MTHFD2L: variants seen among roughly 807,000 people sequenced by gnomAD.
MTHFD2L encodes methylenetetrahydrofolate dehydrogenase (NADP+ dependent) 2 like.
In MTHFD2L, 29 loss-of-function variants were observed where a neutral mutation model predicts 34.9. The ratio of observed to expected loss-of-function variants is 0.83; its 90% CI spans 0.62 to 1.13. MTHFD2L has a LOEUF of 1.13. Among genes scored for constraint, MTHFD2L ranks in the 50% most tolerant of loss-of-function variants. The probability of loss-of-function intolerance (pLI) is 0.00; values close to 1 mark genes in which losing one functional copy is unlikely to be tolerated. For missense variants in MTHFD2L, 481 were observed against 446.5 expected (o/e 1.08, Z -0.70); for synonymous variants, 167 against 155.7 (o/e 1.07, Z -0.54).
chr4:74,210,005 T>C (rs891817391), intron 5 of MTHFD2L, among the ~76,000 whole-genome samples: 1 of 152,252 alleles, frequency 6.6e-6, no homozygotes, highest in African/African-American at 2.4e-5. Context: ...TTTTAAAAAG[T>C]GTCTGTTCAT....
intron 5 of MTHFD2L, among the ~76,000 whole-genome samples, chr4:74,206,719 A>G (rs1012119789): frequency 6.6e-6 from 1 of 152,040 alleles, no homozygotes; most frequent in African/African-American, 2.4e-5. Flanking sequence ...ACTGAATACC[A>G]TTGGTTTTAG....
Position 74,186,116 on chromosome 4 carries a change from A to G in MTHFD2L, c.451+10713A>G, listed in dbSNP as rs1731188088. On this transcript the variant is annotated intron_variant, in intron 3 of 7. Coordinates refer to ENST00000325278, the MANE Select transcript of MTHFD2L (RefSeq NM_001144978.3). ...TGTATTTTACCATATTAACAAGCTA[A>G]AAATGAAAATCATATAATCATTTCC... 3.3e-5 allele frequency among the ~76,000 whole-genome samples: 5 copies of G among 152,124 alleles called. No individual in the cohort carries two copies. The South Asian group carries it at 1.0e-3, about 31-fold the overall frequency.
chr4:74,300,925 G>T (rs1750223807), intron 7 of MTHFD2L, among the ~76,000 whole-genome samples: 2 of 152,020 alleles, frequency 1.3e-5, no homozygotes, highest in South Asian at 2.1e-4. Flanking sequence ...GTAGAGTATT[G>T]GTTGATCATG....
chr4:74,222,025 A>AT (rs902407155), intron 5 of MTHFD2L, among the ~76,000 whole-genome samples: 192 of 151,850 alleles, frequency 1.3e-3, no homozygotes, highest in African/African-American at 4.1e-3. Context: ...AAAAATATAT[A>AT]TTTTTTTATT....
At chr4:74,196,568 G>A (rs1373268516) in intron 3 of MTHFD2L, among the ~76,000 whole-genome samples, 2 of 152,150 alleles carry the variant, frequency 1.3e-5, no homozygotes, top group Non-Finnish European at 2.9e-5. Context: ...TCTATAGGTG[G>A]AAAATAAGCC....
intron 1 of MTHFD2L, chr4:74,164,857 T>G (rs1168678127): frequency 4.2e-6 from 2 of 473,008 alleles, no homozygotes; most frequent in Non-Finnish European, 5.5e-6. Flanking sequence ...CCACATTTCG[T>G]GGCTAGCCCA....
At chr4:74,286,922 A>G (rs1017211926) in intron 7 of MTHFD2L, among the ~76,000 whole-genome samples, 1 of 152,308 alleles carries the variant, frequency 6.6e-6, no homozygotes, top group Admixed American at 6.5e-5. Context: ...TGAAAGAGAC[A>G]GGAAAGAGAA....
At position 74,186,438 on chromosome 4, in the gene MTHFD2L, G is replaced by GAAAAAAA. The variant is rs59325238; in HGVS notation, c.451+11050_451+11056dup. Among the ~76,000 whole-genome samples the GAAAAAAA allele has an allele frequency of 1.5e-4, 13 of 88,170 alleles. 1 individual carries two copies. Among genetic ancestry groups the GAAAAAAA allele is most frequent in the Non-Finnish European group, 2.0e-4 (10 of 48,920 alleles). 57.8% of individuals were successfully genotyped at this position (88,170 alleles called of 152,430 possible). ...CCATGGAAAATTCAAGGGAATCCATGAAAAAAAAAAAAAAAAAAAAACAGC... is the reference window on the plus strand; with the variant it reads ...CCATGGAAAATTCAAGGGAATCCATGAAAAAAAAAAAAAAAAAAAAAAAAAAAACAGC... On this transcript the variant is annotated intron_variant, in intron 3 of 7. Coordinates refer to ENST00000325278, the MANE Select transcript of MTHFD2L (RefSeq NM_001144978.3).
At chr4:74,219,917 A>G (rs529187579) in intron 5 of MTHFD2L, among the ~76,000 whole-genome samples, 1 of 152,228 alleles carries the variant, frequency 6.6e-6, no homozygotes, top group South Asian at 2.1e-4. Flanking sequence ...AATTACCTAC[A>G]AGGGTTTTCC....
At chr4:74,196,730 G>A (rs1168457646) in intron 3 of MTHFD2L, among the ~76,000 whole-genome samples, 1 of 151,982 alleles carries the variant, frequency 6.6e-6, no homozygotes, top group Non-Finnish European at 1.5e-5. Flanking sequence ...GGTGGATCAC[G>A]AGGTCAGGAG....
At chr4:74,276,129 A>G (rs559053650) in intron 6 of MTHFD2L, among the ~76,000 whole-genome samples, 2 of 152,154 alleles carry the variant, frequency 1.3e-5, no homozygotes, top group Non-Finnish European at 2.9e-5. Flanking sequence ...TGGTGGATAC[A>G]AAGAGAGGGT....
intron 1 of MTHFD2L, among the ~76,000 whole-genome samples, chr4:74,150,654 A>T (rs1723875175): frequency 6.6e-6 from 1 of 150,724 alleles, no homozygotes; most frequent in African/African-American, 2.5e-5. Context: ...TCTGCTCCAA[A>T]CATTATCCCA....
intron 5 of MTHFD2L, among the ~76,000 whole-genome samples, chr4:74,205,852 A>C (rs758564993): frequency 2.0e-5 from 3 of 152,088 alleles, no homozygotes; most frequent in Non-Finnish European, 4.4e-5. Context: ...AGGGGATATG[A>C]TATACAAGTA....
At chr4:74,145,142 C>G (rs1266740223) in intron 1 of MTHFD2L, among the ~76,000 whole-genome samples, 4 of 150,966 alleles carry the variant, frequency 2.6e-5, no homozygotes, top group Non-Finnish European at 5.9e-5. Flanking sequence ...ATAAACTAGA[C>G]TACAGTCAAC....
Position 74,258,318 on chromosome 4 carries a change from G to A in MTHFD2L, c.806-23107G>A, listed in dbSNP as rs150829389. ...CATGATTCACAATAGCCAAGATATG[G>A]AATCAACTTAGGCATTCATTGATGG... On this transcript the variant is annotated intron_variant, in intron 6 of 7. Coordinates refer to ENST00000325278, the MANE Select transcript of MTHFD2L (RefSeq NM_001144978.3). 2.6e-5 allele frequency among the ~76,000 whole-genome samples: 4 copies of A among 152,124 alleles called. 1 individual carries two copies. The highest frequency in any genetic ancestry group is 2.6e-4 in the Admixed American group (4 of 15,264).
chr4:74,299,306 C>T (rs1750004355), intron 7 of MTHFD2L, among the ~76,000 whole-genome samples: 1 of 151,494 alleles, frequency 6.6e-6, no homozygotes, highest in South Asian at 2.1e-4. Context: ...AAAGTTAGTG[C>T]TTTACAAATA....
chr4:74,149,716 G>A (rs55946357), intron 1 of MTHFD2L, among the ~76,000 whole-genome samples: 3,637 of 152,244 alleles, frequency 0.024, 136 homozygotes, highest in African/African-American at 0.081. Context: ...TAATTCCCAC[G>A]TTGTGTGGTA....
chr4:74,272,970 A>C (rs1746181372), intron 6 of MTHFD2L, among the ~76,000 whole-genome samples: 1 of 152,164 alleles, frequency 6.6e-6, no homozygotes, highest in Non-Finnish European at 1.5e-5. Context: ...ATAGCTTCCA[A>C]AAGACATTCA....
At chr4:74,242,530 C>G (rs1442571440) in intron 6 of MTHFD2L, among the ~76,000 whole-genome samples, 1 of 152,072 alleles carries the variant, frequency 6.6e-6, no homozygotes, top group African/African-American at 2.4e-5. Flanking sequence ...ATTATAGATG[C>G]AAAAAGTTGA....
Sources: gnomAD v4.1 joint callset for allele counts (sites outside exome capture counted in the v4.1 genomes callset) on GRCh38, gnomAD v4.1.1 for gene constraint, MANE v1.5 for transcripts, NCBI Gene and HGNC (gene_info 2026-07-23, HGNC 2026-07-21) for gene names.